The following CDK15 variants were observed in gnomAD, a reference collection of about 807,000 sequenced individuals.
The protein encoded by CDK15 is cyclin-dependent kinase 15.
Under a neutral mutation model 60.3 loss-of-function variants are expected in CDK15, and 62 were observed. The observed-to-expected ratio is 1.03, with a 90% confidence interval of 0.84 to 1.27. The LOEUF is 1.27. CDK15 is among the 50% of genes most tolerant of loss of function. The probability of loss-of-function intolerance (pLI) is 0.00; values close to 1 mark genes in which losing one functional copy is unlikely to be tolerated. For synonymous variants in CDK15, 194 were observed against 195.7 expected, an observed-to-expected ratio of 0.99 and a Z score of 0.07; for missense variants, 541 against 527.8, an observed-to-expected ratio of 1.03 and a Z score of -0.25.
rs991679817 is a variant in CDK15 at position 201,812,412 on chromosome 2, G to T, written c.369-71G>T. ...TTTGAAGTGAAAGTGCTTTTGTTAA[G>T]CCATCTTTGGTATAAATTGCTGCTT... is the stretch of plus-strand genomic sequence containing the variant. On this transcript the variant is annotated intron_variant, in intron 3 of 13. Transcript: ENST00000652192. 3.6e-5 allele frequency: 33 copies of T among 914,408 alleles called. No homozygotes were observed. The African/African-American group carries it at 5.3e-4, about 15-fold the overall frequency. 56.6% of individuals were successfully genotyped at this position (914,408 alleles called of 1,614,324 possible). A position where few individuals can be genotyped will look rare whatever the true frequency, so the allele number is the denominator to read the frequency against.
chr2:201,883,363 C>T (rs1010667413), intron 12 of CDK15, among the ~76,000 whole-genome samples: 5 of 152,064 alleles, frequency 3.3e-5, no homozygotes, highest in African/African-American at 7.3e-5. Context: ...AGTGTAGGAG[C>T]GGCATAGAAA....
chr2:201,807,706 C>T, intron 2 of CDK15, 63 bp downstream of exon 2: 2 of 1,600,258 alleles, frequency 1.2e-6, no homozygotes, highest in East Asian at 2.2e-5. Context: ...GGAGGCCGGC[C>T]CTTGCTTCCA....
At chr2:201,829,802 A>G (rs1441609287) in intron 6 of CDK15, among the ~76,000 whole-genome samples, 7 of 150,880 alleles carry the variant, frequency 4.6e-5, no homozygotes, top group Admixed American at 4.6e-4. Context: ...TTTTAATTTT[A>G]TTTTTATTTA....
intron 13 of CDK15, among the ~76,000 whole-genome samples, chr2:201,891,437 G>T (rs1699636667): frequency 6.6e-6 from 1 of 152,176 alleles, no homozygotes; most frequent in African/African-American, 2.4e-5. Context: ...TTTTGTCCTG[G>T]TAAGGGTAAC....
chr2:201,830,140 T>C (rs1347316449), intron 6 of CDK15, among the ~76,000 whole-genome samples: 1 of 152,084 alleles, frequency 6.6e-6, no homozygotes, highest in Non-Finnish European at 1.5e-5. Flanking sequence ...GGGGTCTTGC[T>C]ATGTTGCCCA....
Position 201,847,486 on chromosome 2 carries a change from ATTC to A in CDK15, c.945+17_945+19del, listed in dbSNP as rs771132678. The A allele has an allele frequency of 7.1e-5, 114 of 1,608,556 alleles. No homozygotes were observed. The highest frequency in any genetic ancestry group is 9.4e-5 in the Non-Finnish European group (111 of 1,176,078). ...AGAAAATCTGGGAGGTAGGAGAATA[ATTC>A]TTCTAAAGAAAATGAAATATCTGCA... On this transcript the variant is annotated intron_variant, in intron 9 of 13. Transcript: ENST00000652192.
intron 8 of CDK15, among the ~76,000 whole-genome samples, chr2:201,843,675 G>A (rs760733073): frequency 3.3e-5 from 5 of 152,058 alleles, no homozygotes; most frequent in Non-Finnish European, 5.9e-5. Context: ...GTATATAAAT[G>A]AGTAACCTTA....
rs139687632 is a variant in CDK15, at chr2:201,835,171, C to A, written c.731-472C>A. On this transcript the variant is annotated intron_variant, in intron 7 of 13. Coordinates refer to ENST00000652192, the MANE Select transcript of CDK15 (RefSeq NM_001366386.2). ...CTAGAAACTTAACTTTCTTTCGCAT[C>A]ACAGTCCTGACCTAAGCAGGCAGAG... Among the ~76,000 whole-genome samples, 1,432 of 152,330 alleles carry A rather than the reference C, an allele frequency of 9.4e-3. 20 individuals carry two copies. Among genetic ancestry groups the A allele is most frequent in the Admixed American group, 0.014 (211 of 15,304 alleles).
chr2:201,891,015 A>G, intron 13 of CDK15, 88 bp downstream of exon 13: 3 of 685,410 alleles, frequency 4.4e-6, no homozygotes, highest in South Asian at 3.9e-5. Context: ...AGGGATTCAG[A>G]GCACCTCTGT....
Position 201,837,307 on chromosome 2 carries a change from G to C in CDK15, c.851+1544G>C, listed in dbSNP as rs557295005. On this transcript the variant is annotated intron_variant, in intron 8 of 13. Transcript: ENST00000652192. The stretch of plus-strand genomic sequence containing the variant: ...CGTCTGAAAGAAAGAAAGAAACAGA[G>C]AGAGAGAGAGAGAGAGAAAGAAAGG... 1.4e-3 allele frequency among the ~76,000 whole-genome samples: 192 copies of C among 140,594 alleles called. 1 individual carries two copies. The highest frequency in any genetic ancestry group is 4.8e-3 in the African/African-American group (178 of 37,318). 92.2% of individuals were successfully genotyped at this position (140,594 alleles called of 152,430 possible).
At chr2:201,849,856 G>C (rs778615987) in intron 9 of CDK15, among the ~76,000 whole-genome samples, 1 of 151,820 alleles carries the variant, frequency 6.6e-6, no homozygotes, top group Admixed American at 6.6e-5. Context: ...AAGGAGTCTT[G>C]CTCTGTCACC....
chr2:201,869,809 T>C (rs1357252755), intron 10 of CDK15, among the ~76,000 whole-genome samples: 2 of 152,174 alleles, frequency 1.3e-5, no homozygotes, highest in South Asian at 4.1e-4. Context: ...ATTTTGTTGA[T>C]TGAAATTGGG....
chr2:201,873,024 A>C (rs752078964), intron 11 of CDK15, among the ~76,000 whole-genome samples: 1 of 152,196 alleles, frequency 6.6e-6, no homozygotes, highest in African/African-American at 2.4e-5. Flanking sequence ...GTCAGAGAAA[A>C]ACACAGTCTT....
rs1695527523 is a variant in CDK15, at chr2:201,806,756, G to A, written c.92G>A (p.Ser31Asn). 2 of 1,598,418 alleles carry A rather than the reference G, an allele frequency of 1.3e-6. No homozygotes were observed. The highest frequency in any genetic ancestry group is 1.3e-5 in the African/African-American group (1 of 74,924). The change falls in exon 1 of 14, where the codon AGT becomes AAT. Residue 31 changes from serine (S) to asparagine (N), a missense_variant. Ser to Asn is a conservative substitution (Grantham distance 46, BLOSUM62 1). Coordinates refer to ENST00000652192, the MANE Select transcript of CDK15 (RefSeq NM_001366386.2). The part of the protein sequence containing the change: ...EGGEAHSCRR[S>N]QPETTEAAFK... ...GGCGAGGCACACAGCTGTCGGAGGA[G>A]TCAGCCTGAGACCACGGAGGCTGCG...
chr2:201,846,636 A>T lies in CDK15; in HGVS notation c.852-745A>T, dbSNP rs183934051. On this transcript the variant is annotated intron_variant, in intron 8 of 13. Transcript: ENST00000652192. ...GAGTAAATCAGACATGTTTAGCAAC[A>T]TTCTTTAAGCAGGAGTCAAAAGTAA... Among the ~76,000 whole-genome samples, 15 of 151,932 alleles carry T rather than the reference A, an allele frequency of 9.9e-5. No homozygotes were observed. The East Asian group carries it at 1.5e-3, about 16-fold the overall frequency.
chr2:201,882,115 C>T lies in CDK15; in HGVS notation c.1198+1948C>T, dbSNP rs1699299284. The stretch of plus-strand genomic sequence containing the variant: ...TGGGTTTTGATTTTTCCTGGCTGAC[C>T]CAAAAGCAAAGCCACCAACAGAGGG... On this transcript the variant is annotated intron_variant, in intron 12 of 13. Transcript: ENST00000652192. The surrounding 1 kb of genome is among the most constrained non-coding windows in gnomAD (Gnocchi z 4.0). 3.3e-5 allele frequency among the ~76,000 whole-genome samples: 5 copies of T among 151,978 alleles called. No individual in the cohort carries two copies. Among genetic ancestry groups the T allele is most frequent in the Admixed American group, 3.3e-4 (5 of 15,262 alleles).
intron 3 of CDK15, among the ~76,000 whole-genome samples, chr2:201,808,245 A>C (rs2106146314): frequency 6.6e-6 from 1 of 152,354 alleles, no homozygotes; most frequent in South Asian, 2.1e-4. Context: ...CCCAAAGAAC[A>C]ATTATCACTC....
chr2:201,821,647 T>A (rs550132338), intron 4 of CDK15, among the ~76,000 whole-genome samples: 1 of 152,282 alleles, frequency 6.6e-6, no homozygotes, highest in East Asian at 1.9e-4. Context: ...GATTTCTTCA[T>A]GCAGGGTTGC....
intron 10 of CDK15, among the ~76,000 whole-genome samples, chr2:201,855,975 C>T (rs1319355647): frequency 4.6e-5 from 7 of 151,948 alleles, no homozygotes; most frequent in East Asian, 3.9e-4. Flanking sequence ...TACAGGCACC[C>T]GCCACCATGC....
Sources: allele counts gnomAD v4.1 joint callset (sites outside exome capture counted in the v4.1 genomes callset), GRCh38; gene constraint gnomAD v4.1.1; non-coding constraint Gnocchi (gnomAD v3.1); transcripts MANE v1.5; gene names NCBI Gene and HGNC (gene_info 2026-07-23, HGNC 2026-07-21).